TRPM3: variants seen among roughly 807,000 people sequenced by gnomAD.
TRPM3 encodes long transient receptor potential channel 3.
A neutral mutation model predicts 181.2 loss-of-function variants in TRPM3; 77 were observed. The observed-to-expected ratio is 0.42, with a 90% CI of 0.35 to 0.51. The LOEUF (loss-of-function observed/expected upper bound fraction) is 0.51, where lower values mean the gene tolerates loss of function less well. Among genes scored for constraint, TRPM3 ranks in the 20% least tolerant of loss-of-function variants. The pLI is 0.01. For synonymous variants in TRPM3, 745 were observed against 796.4 expected (o/e 0.94, Z 1.09); for missense variants, 1,759 against 2,196.7 (o/e 0.80, Z 3.98).
At chr9:70,614,665 C>A (rs927652754) in intron 18 of TRPM3, among the ~76,000 whole-genome samples, 1 of 152,130 alleles carries the variant, frequency 6.6e-6, no homozygotes. Context: ...ACTTTTTACA[C>A]GAGACAACTA....
At chr9:70,660,985 A>G (rs1295312016) in intron 9 of TRPM3, among the ~76,000 whole-genome samples, 1 of 152,170 alleles carries the variant, frequency 6.6e-6, no homozygotes, top group Non-Finnish European at 1.5e-5. Context: ...TGTCAAAAAA[A>G]GAAAACTACA....
At chr9:70,877,512 T>G (rs2095889322) in intron 1 of TRPM3, among the ~76,000 whole-genome samples, 1 of 151,972 alleles carries the variant, frequency 6.6e-6, no homozygotes, top group South Asian at 2.1e-4. Context: ...TCCAGGGAAC[T>G]GAAACTCCCT....
At chr9:70,604,169 G>A (rs993017603) in intron 19 of TRPM3, among the ~76,000 whole-genome samples, 1 of 152,216 alleles carries the variant, frequency 6.6e-6, no homozygotes, top group African/African-American at 2.4e-5. Flanking sequence ...TAATCCCCAA[G>A]AGGCTCTGGC....
intron 22 of TRPM3, among the ~76,000 whole-genome samples, chr9:70,558,432 C>T (rs1228845241): frequency 6.6e-6 from 1 of 152,148 alleles, no homozygotes; most frequent in Non-Finnish European, 1.5e-5. Context: ...CATTTGGAGT[C>T]TTGGAATGGC....
At chr9:71,203,182 A>T (rs1162653271) in intron 1 of TRPM3, among the ~76,000 whole-genome samples, 2 of 152,182 alleles carry the variant, frequency 1.3e-5, no homozygotes, top group Admixed American at 6.5e-5. Flanking sequence ...AGAAAAACAG[A>T]CATGCTTTGG....
At chr9:70,965,543 T>C (rs1390275489) in intron 1 of TRPM3, among the ~76,000 whole-genome samples, 1 of 152,038 alleles carries the variant, frequency 6.6e-6, no homozygotes, top group Non-Finnish European at 1.5e-5. Context: ...AACCATGTGG[T>C]TTTTGTCTTT....
At chr9:71,254,062 G>A (rs2082519669) in intron 1 of TRPM3, among the ~76,000 whole-genome samples, 1 of 152,110 alleles carries the variant, frequency 6.6e-6, no homozygotes, top group Non-Finnish European at 1.5e-5. Context: ...TGGGACTACA[G>A]GTGCCTGCCA....
At chr9:71,145,480 A>C (rs2075355385) in intron 1 of TRPM3, among the ~76,000 whole-genome samples, 1 of 152,192 alleles carries the variant, frequency 6.6e-6, no homozygotes, top group South Asian at 2.1e-4. Flanking sequence ...CATTTACTCA[A>C]GAGTGCTCTG....
intron 11 of TRPM3, among the ~76,000 whole-genome samples, chr9:70,636,876 C>T (rs1028581573): frequency 2.2e-4 from 33 of 151,814 alleles, no homozygotes; most frequent in Admixed American, 1.8e-3. Context: ...TTAGTAGAGA[C>T]GGAGTTTCAT....
intron 6 of TRPM3, among the ~76,000 whole-genome samples, chr9:70,818,823 T>G (rs1462898480): frequency 1.3e-5 from 2 of 152,200 alleles, no homozygotes; most frequent in African/African-American, 4.8e-5. Flanking sequence ...GGTTTAAGAT[T>G]CAGTGCAAGT....
chr9:70,608,296 C>T (rs1277297835), intron 19 of TRPM3, among the ~76,000 whole-genome samples: 1 of 152,182 alleles, frequency 6.6e-6, no homozygotes, highest in Non-Finnish European at 1.5e-5. Context: ...TTTCTTTTAA[C>T]AGAAATCAAG....
intron 1 of TRPM3, among the ~76,000 whole-genome samples, chr9:71,244,866 T>C (rs1429837282): frequency 6.6e-6 from 1 of 152,202 alleles, no homozygotes; most frequent in Non-Finnish European, 1.5e-5. Flanking sequence ...GAATTTAGTT[T>C]AGTAGTACAG....
intron 1 of TRPM3, among the ~76,000 whole-genome samples, chr9:71,031,997 ATAAT>A (rs1565022047): frequency 0.47 from 3,358 of 7,146 alleles, 212 homozygotes; most frequent in Middle Eastern, 0.57. Flanking sequence ...TTATATATAT[ATAAT>A]TATATAATAT....
Position 70,887,319 on chromosome 9 carries a change from C to G in TRPM3, c.178-22808G>C, listed in dbSNP as rs75288075. ...CAGAAAGAAAATTAAATAATATTTACTGAAGTTCTGGATATATCTTCAGTG... is the reference window on the plus strand; with the variant it reads ...CAGAAAGAAAATTAAATAATATTTAGTGAAGTTCTGGATATATCTTCAGTG... On this transcript the variant is annotated intron_variant, in intron 1 of 25. Transcript: ENST00000677713. Among the ~76,000 whole-genome samples, 579 of 152,294 alleles carry G rather than the reference C, an allele frequency of 3.8e-3. 7 individuals are homozygous for G. Among genetic ancestry groups the G allele is most frequent in the African/African-American group, 0.013 (537 of 41,562 alleles).
chr9:71,151,966 G>C (rs1221062619), intron 1 of TRPM3, among the ~76,000 whole-genome samples: 1 of 152,102 alleles, frequency 6.6e-6, no homozygotes, highest in East Asian at 1.9e-4. Flanking sequence ...ATAAAAACCA[G>C]GGAAAGATAT....
chr9:71,310,330 C>T (rs1162624523), intron 1 of TRPM3, among the ~76,000 whole-genome samples: 6 of 151,442 alleles, frequency 4.0e-5, no homozygotes, highest in Admixed American at 2.6e-4. Flanking sequence ...TCTTGAAAAC[C>T]GAAACCAACA....
chr9:71,350,073 A>G (rs1408394793), intron 1 of TRPM3, among the ~76,000 whole-genome samples: 2 of 151,698 alleles, frequency 1.3e-5, no homozygotes, highest in African/African-American at 4.8e-5. Flanking sequence ...ACTACTAATT[A>G]TACACACTCT....
chr9:70,880,288 T>G (rs2090469109), intron 1 of TRPM3, among the ~76,000 whole-genome samples: 1 of 152,140 alleles, frequency 6.6e-6, no homozygotes, highest in African/African-American at 2.4e-5. Flanking sequence ...TCAATTATGT[T>G]TTCCCACTGA....
intron 1 of TRPM3, among the ~76,000 whole-genome samples, chr9:70,881,384 C>A (rs1388229647): frequency 6.6e-6 from 1 of 152,142 alleles, no homozygotes; most frequent in Admixed American, 6.6e-5. Flanking sequence ...CCTACCACCA[C>A]CCCCATACAA....
Sources: gnomAD v4.1 joint callset for allele counts (sites outside exome capture counted in the v4.1 genomes callset) on GRCh38, gnomAD v4.1.1 for gene constraint, MANE v1.5 for transcripts, NCBI Gene and HGNC (gene_info 2026-07-23, HGNC 2026-07-21) for gene names.